Variants in HMGCLL1 observed in about 807,000 individuals in gnomAD.
HMGCLL1 encodes 3-hydroxy-3-methylglutaryl-CoA lyase like 1.
HMGCLL1 carries 36 observed loss-of-function variants against 39.1 expected under a neutral mutation model. The ratio of observed to expected loss-of-function variants is 0.92; its 90% CI spans 0.71 to 1.22. The LOEUF is 1.22. Ranked by LOEUF, HMGCLL1 falls within the 50% of genes most tolerant of loss-of-function variation. HMGCLL1 has a pLI of 0.00. For missense variants in HMGCLL1, 451 were observed against 416.5 expected (o/e 1.08, Z -0.72); for synonymous variants, 149 against 144.0 (o/e 1.03, Z -0.25).
In HMGCLL1 at chr6:55,518,751, C is replaced by T. The variant is rs114022073; in HGVS notation, c.298-2148G>A. 3.7e-3 allele frequency among the ~76,000 whole-genome samples: 556 copies of T among 152,224 alleles called. 5 individuals carry two copies. Among genetic ancestry groups the T allele is most frequent in the African/African-American group, 0.013 (534 of 41,566 alleles). On this transcript the variant is annotated intron_variant, in intron 3 of 8. Transcript: ENST00000274901. ...CCCAGCCAATAGTCAGTGTCACCCC[C>T]TAAATTTGTGATTGAAGTAGCCTCC... is the stretch of plus-strand genomic sequence containing the variant.
chr6:55,651,485 A>T, the HMGCLL1 span, among the ~76,000 whole-genome samples: 1 of 152,046 alleles, frequency 6.6e-6, no homozygotes, highest in Non-Finnish European at 1.5e-5. Flanking sequence ...TTTATTCTTC[A>T]TTATCCTCTT....
chr6:55,461,682 A>G (rs1764573833), intron 7 of HMGCLL1, among the ~76,000 whole-genome samples: 1 of 152,138 alleles, frequency 6.6e-6, no homozygotes. Context: ...CAGAACTTAA[A>G]GCACCATGAA....
At chr6:55,587,969 C>T in the HMGCLL1 span, among the ~76,000 whole-genome samples, 17 of 152,152 alleles carry the variant, frequency 1.1e-4, no homozygotes, top group South Asian at 4.2e-4. Context: ...ACTTTAACAC[C>T]GCACTGTCAA....
upstream of HMGCLL1, among the ~76,000 whole-genome samples, chr6:55,581,518 TTTGAA>T (rs1011580035): frequency 3.3e-5 from 5 of 152,108 alleles, no homozygotes; most frequent in African/African-American, 1.2e-4. Flanking sequence ...AATTTATACA[TTTGAA>T]AAGCATATGT....
chr6:55,556,628 T>C (rs1348948365), intron 1 of HMGCLL1, among the ~76,000 whole-genome samples: 1 of 152,142 alleles, frequency 6.6e-6, no homozygotes, highest in Non-Finnish European at 1.5e-5. Flanking sequence ...GGGGATGATA[T>C]GATCTGAGGT....
chr6:55,473,943 CT>C (rs961522309), intron 7 of HMGCLL1, among the ~76,000 whole-genome samples: 9 of 151,520 alleles, frequency 5.9e-5, no homozygotes, highest in African/African-American at 2.2e-4. Context: ...TTTCTAGTTG[CT>C]TTTGTGGTTT....
At chr6:55,640,249 T>C in the HMGCLL1 span, among the ~76,000 whole-genome samples, 1 of 152,104 alleles carries the variant, frequency 6.6e-6, no homozygotes, top group Admixed American at 6.6e-5. Flanking sequence ...GTAATTTAAC[T>C]TCTCAATACA....
intron 3 of HMGCLL1, among the ~76,000 whole-genome samples, chr6:55,536,080 T>A (rs530438465): frequency 4.6e-5 from 7 of 152,334 alleles, no homozygotes; most frequent in Non-Finnish European, 8.8e-5. Flanking sequence ...AATAAAGAGC[T>A]ACTTGTATCA....
the HMGCLL1 span, among the ~76,000 whole-genome samples, chr6:55,641,139 T>C: frequency 6.6e-6 from 1 of 151,622 alleles, no homozygotes; most frequent in African/African-American, 2.4e-5. Context: ...AGATAAATTT[T>C]TGGTAAAAAA....
At chr6:55,477,262 T>TATAATATATTATA (rs1302645800) in intron 7 of HMGCLL1, among the ~76,000 whole-genome samples, 1 of 21,734 alleles carries the variant, frequency 4.6e-5, no homozygotes, top group African/African-American at 4.7e-4. Flanking sequence ...ATAATATATA[T>TATAATATATTATA]TATATAATAT....
intron 3 of HMGCLL1, among the ~76,000 whole-genome samples, chr6:55,518,833 AC>A (rs1767885762): frequency 6.6e-6 from 1 of 152,120 alleles, no homozygotes; most frequent in South Asian, 2.1e-4. Context: ...GACACTGAAG[AC>A]CAGACACAAC....
At chr6:55,485,778 TTATAA>T (rs1765993328) in intron 7 of HMGCLL1, among the ~76,000 whole-genome samples, 1 of 151,940 alleles carries the variant, frequency 6.6e-6, no homozygotes, top group South Asian at 2.1e-4. Flanking sequence ...ACATTTTATA[TTATAA>T]TATAATCTAC....
chr6:55,510,491 G>A (rs1767395602), intron 5 of HMGCLL1, among the ~76,000 whole-genome samples: 1 of 151,260 alleles, frequency 6.6e-6, no homozygotes, highest in East Asian at 2.0e-4. Flanking sequence ...GTCCTTTGTA[G>A]GGACATGGAT....
rs142055508 is a variant in HMGCLL1, at chr6:55,562,596, G to A, written c.108+16352C>T. Among the ~76,000 whole-genome samples the A allele has an allele frequency of 2.5e-4, 38 of 152,154 alleles. 1 individual carries two copies. The highest frequency in any genetic ancestry group is 8.7e-4 in the African/African-American group (36 of 41,544). ...CTTACATGGATTTTGTCCAGTAATAGTAAGACTATGTTTTACTGTCCAAAG... is the reference window on the plus strand; with the variant it reads ...CTTACATGGATTTTGTCCAGTAATAATAAGACTATGTTTTACTGTCCAAAG... On this transcript the variant is annotated intron_variant, in intron 1 of 8. Coordinates refer to ENST00000274901, the MANE Select transcript of HMGCLL1 (RefSeq NM_001042406.2).
At chr6:55,542,025 G>T (rs756362676) in intron 2 of HMGCLL1, 35 bp downstream of exon 2, 1 of 1,283,012 alleles carries the variant, frequency 7.8e-7, no homozygotes, top group Non-Finnish European at 1.1e-6. Context: ...TTATTAATTT[G>T]TAGACAGCAT....
At chr6:55,499,153 T>C in intron 6 of HMGCLL1, 83 bp downstream of exon 6, 1 of 1,080,866 alleles carries the variant, frequency 9.3e-7, no homozygotes, top group Non-Finnish European at 1.4e-6. Context: ...CTATGCAGAT[T>C]CAATAAATAT....
chr6:55,587,142 C>CAG, the HMGCLL1 span, among the ~76,000 whole-genome samples: 1 of 152,078 alleles, frequency 6.6e-6, no homozygotes. Context: ...CTCTGATGGC[C>CAG]AGTCATGATG....
At chr6:55,616,639 T>C in the HMGCLL1 span, among the ~76,000 whole-genome samples, 1 of 152,094 alleles carries the variant, frequency 6.6e-6, no homozygotes, top group African/African-American at 2.4e-5. Context: ...ATATTGAACA[T>C]AAAATTTCCC....
intron 3 of HMGCLL1, among the ~76,000 whole-genome samples, chr6:55,526,386 T>A (rs1768322791): frequency 1.3e-5 from 2 of 152,074 alleles, no homozygotes; most frequent in African/African-American, 4.8e-5. Context: ...CTTAGATGTC[T>A]CTATACTTCC....
Sources: gnomAD v4.1 joint callset for allele counts (sites outside exome capture counted in the v4.1 genomes callset) on GRCh38, gnomAD v4.1.1 for gene constraint, MANE v1.5 for transcripts, NCBI Gene and HGNC (gene_info 2026-07-23, HGNC 2026-07-21) for gene names.